THRAP3: variants seen among roughly 807,000 people sequenced by gnomAD.
The protein encoded by THRAP3 is thyroid hormone receptor associated protein 3.
A neutral mutation model predicts 101.0 loss-of-function variants in THRAP3; 16 were observed. That is an observed-to-expected ratio of 0.16 (90% CI 0.11 to 0.24). THRAP3 has a LOEUF of 0.24. Among genes scored for constraint, THRAP3 ranks in the 10% least tolerant of loss-of-function variants. THRAP3 has a pLI of 1.00. For missense variants in THRAP3, 989 were observed against 1,202.7 expected (o/e 0.82, Z 2.63); for synonymous variants, 407 against 422.6 (o/e 0.96, Z 0.45).
chr1:36,291,294 T>G, intron 5 of THRAP3, 80 bp from the exon 6 acceptor site: 1 of 1,432,506 alleles, frequency 7.0e-7, no homozygotes, highest in Non-Finnish European at 9.4e-7. Context: ...TTTAAAACTC[T>G]TCAAAAAAGT....
At chr1:36,294,609 A>T (rs1402060315) in intron 8 of THRAP3, among the ~76,000 whole-genome samples, 3 of 152,232 alleles carry the variant, frequency 2.0e-5, no homozygotes, top group Non-Finnish European at 4.4e-5. Flanking sequence ...ACAGATGGTT[A>T]TTCCAATGCT....
chr1:36,270,943 G>A (rs1312618335), intron 2 of THRAP3, among the ~76,000 whole-genome samples: 1 of 151,924 alleles, frequency 6.6e-6, no homozygotes, highest in South Asian at 2.1e-4. Flanking sequence ...ATAAAATAAT[G>A]TACACAACTC....
At chr1:36,255,791 G>GA (rs1466947416) in intron 1 of THRAP3, among the ~76,000 whole-genome samples, 2 of 147,490 alleles carry the variant, frequency 1.4e-5, no homozygotes, top group Admixed American at 6.8e-5. Context: ...AAAAAGAAAA[G>GA]AAAGAAAGAT....
intron 8 of THRAP3, among the ~76,000 whole-genome samples, chr1:36,295,661 C>T (rs1368240664): frequency 6.6e-6 from 1 of 151,506 alleles, no homozygotes; most frequent in Admixed American, 6.6e-5. Flanking sequence ...TCCCCCTTCC[C>T]CTTCCTTTCC....
the THRAP3 span, among the ~76,000 whole-genome samples, chr1:36,217,670 A>T: frequency 2.0e-5 from 3 of 151,924 alleles, no homozygotes; most frequent in African/African-American, 7.3e-5. Flanking sequence ...AAACTTTTTC[A>T]TTATTATTAT....
At chr1:36,228,914 C>G (rs568934508) in intron 1 of THRAP3, among the ~76,000 whole-genome samples, 5 of 152,006 alleles carry the variant, frequency 3.3e-5, no homozygotes, top group Non-Finnish European at 7.4e-5. Flanking sequence ...GTGGGAGGAT[C>G]CCTTGACCCC....
intron 2 of THRAP3, among the ~76,000 whole-genome samples, chr1:36,269,909 A>G (rs767891664): frequency 2.0e-5 from 3 of 151,984 alleles, no homozygotes; most frequent in African/African-American, 4.8e-5. Context: ...AGTCTTTTTT[A>G]AGGAGGAAAA....
chr1:36,251,639 G>A (rs534178549), intron 1 of THRAP3, among the ~76,000 whole-genome samples: 2 of 152,298 alleles, frequency 1.3e-5, no homozygotes, highest in African/African-American at 4.8e-5. Context: ...TTCTGAATTC[G>A]CATGAGAATG....
the THRAP3 span, among the ~76,000 whole-genome samples, chr1:36,209,223 C>T: frequency 6.6e-6 from 1 of 152,132 alleles, no homozygotes; most frequent in South Asian, 2.1e-4. Flanking sequence ...AGTGATCCTC[C>T]CACCTTGACC....
chr1:36,243,738 C>T (rs1203325811), intron 1 of THRAP3, among the ~76,000 whole-genome samples: 26 of 152,042 alleles, frequency 1.7e-4, no homozygotes, highest in African/African-American at 4.1e-4. Context: ...GGGCGGTGGC[C>T]GGGCAGAGGG....
intron 2 of THRAP3, among the ~76,000 whole-genome samples, chr1:36,279,913 T>C (rs961088906): frequency 1.2e-4 from 18 of 152,244 alleles, no homozygotes; most frequent in African/African-American, 4.1e-4. Context: ...TTGGCATTCA[T>C]TGGTTCCATA....
At chr1:36,209,864 C>T in the THRAP3 span, among the ~76,000 whole-genome samples, 2 of 152,172 alleles carry the variant, frequency 1.3e-5, no homozygotes, top group African/African-American at 2.4e-5. Context: ...CCAAAGGGGA[C>T]ATCCCAACTG....
intron 1 of THRAP3, among the ~76,000 whole-genome samples, chr1:36,240,303 G>T (rs767688178): frequency 1.3e-5 from 2 of 152,196 alleles, no homozygotes; most frequent in Non-Finnish European, 2.9e-5. Flanking sequence ...TTAGTTTGAG[G>T]TGAAAGGGCC....
intron 1 of THRAP3, among the ~76,000 whole-genome samples, chr1:36,237,961 G>A (rs955118891): frequency 6.6e-6 from 1 of 152,088 alleles, no homozygotes; most frequent in African/African-American, 2.4e-5. Context: ...AACTGGGACT[G>A]CAGGTGTGTA....
intron 2 of THRAP3, among the ~76,000 whole-genome samples, chr1:36,273,144 T>C (rs1645612280): frequency 6.6e-6 from 1 of 152,210 alleles, no homozygotes; most frequent in Non-Finnish European, 1.5e-5. Context: ...CTGGGTTTGG[T>C]ATCCTGAATT....
chr1:36,299,499 T>G (rs949784764), intron 9 of THRAP3, among the ~76,000 whole-genome samples: 1 of 151,642 alleles, frequency 6.6e-6, no homozygotes, highest in Non-Finnish European at 1.5e-5. Flanking sequence ...AGTCTTTTTT[T>G]TTTGTTTTGT....
chr1:36,245,788 T>G (rs1443725418), intron 1 of THRAP3, among the ~76,000 whole-genome samples: 1 of 152,216 alleles, frequency 6.6e-6, no homozygotes, highest in Non-Finnish European at 1.5e-5. Flanking sequence ...TTAATAGCCC[T>G]TGAACAGTTA....
rs751688959 is a variant in THRAP3 at position 36,292,686 on chromosome 1, C to T, written c.2007C>T (p.Asn669=). The change falls in exon 7 of 12, where the codon AAC becomes AAT. Residue 669 remains asparagine (N), a synonymous_variant. Transcript: ENST00000354618. ...KRGTEQEAAK[N]KKSPEIHRRI... is the part of the protein sequence containing the mutation. ...GAACTGAGCAGGAGGCAGCCAAAAA[C>T]AAGAAAAGCCCAGAGATACACAGGT... The T allele has an allele frequency of 3.7e-6, 6 of 1,613,412 alleles. No homozygotes were observed. The highest frequency in any genetic ancestry group is 1.7e-5 in the Admixed American group (1 of 59,912).
intron 5 of THRAP3, 152 bp from the exon 6 acceptor site, chr1:36,291,222 A>T: frequency 1.4e-6 from 1 of 703,550 alleles, no homozygotes; most frequent in Non-Finnish European, 2.3e-6. Context: ...ACTTTTCCAT[A>T]GTTACAGTGC....
Sources: allele counts gnomAD v4.1 joint callset (sites outside exome capture counted in the v4.1 genomes callset), GRCh38; gene constraint gnomAD v4.1.1; transcripts MANE v1.5; gene names NCBI Gene and HGNC (gene_info 2026-07-23, HGNC 2026-07-21).